Variants in ZC3H6 observed in about 807,000 individuals in gnomAD.
ZC3H6 encodes zinc finger CCCH-type containing 6.
ZC3H6 carries 40 observed loss-of-function variants against 107.7 expected under a neutral mutation model. The observed-to-expected ratio is 0.37, with a 90% confidence interval of 0.29 to 0.48. ZC3H6 has a LOEUF of 0.48. ZC3H6 is among the 20% of genes least tolerant of loss of function. ZC3H6 has a pLI of 0.98. For synonymous variants in ZC3H6, 493 were observed against 487.9 expected (o/e 1.01, Z -0.14); for missense variants, 1,267 against 1,410.4 (o/e 0.90, Z 1.63).
chr2:112,287,221 T>C (rs1411960961), intron 1 of ZC3H6, among the ~76,000 whole-genome samples: 1 of 152,144 alleles, frequency 6.6e-6, no homozygotes, highest in Admixed American at 6.5e-5. Context: ...GAATTTCTAG[T>C]TCCCCAGTCT....
chr2:112,303,972 A>G (rs1215097848), intron 3 of ZC3H6, among the ~76,000 whole-genome samples: 1 of 152,252 alleles, frequency 6.6e-6, no homozygotes, highest in Non-Finnish European at 1.5e-5. Flanking sequence ...CTGAGGAACC[A>G]TGAAACTTTT....
In ZC3H6 at chr2:112,310,053, A is replaced by C. The variant is rs1676565804; in HGVS notation, c.505A>C (p.Asn169His). The change falls in exon 4 of 12, where the codon AAT becomes CAT. Residue 169 changes from asparagine (N) to histidine (H), a missense_variant. Around this residue, in one of 3 missense-constraint regions of ZC3H6, gnomAD observed 337 missense variants for 361.2 expected, o/e 0.93. Coordinates refer to ENST00000409871, the MANE Select transcript of ZC3H6 (RefSeq NM_198581.3). ...TCAGGAAACAGAGGAAGATTTTGCC[A>C]ATCAGCTGAAACAATACAGGCAAGC... ...YGQETEEDFA[N>H]QLKQYRQAKE... The C allele has an allele frequency of 6.2e-7, 1 of 1,613,522 alleles. No individual in the cohort carries two copies. Among genetic ancestry groups the C allele is most frequent in the Admixed American group, 1.7e-5 (1 of 59,950 alleles).
Position 112,318,547 on chromosome 2 carries a change from A to G in ZC3H6, c.976+1215A>G, listed in dbSNP as rs1676742931. Among the ~76,000 whole-genome samples the G allele has an allele frequency of 1.3e-5, 2 of 152,180 alleles. 1 individual carries two copies. Among genetic ancestry groups the G allele is most frequent in the Middle Eastern group, 6.3e-3 (2 of 316 alleles). On this transcript the variant is annotated intron_variant, in intron 7 of 11. Transcript: ENST00000409871. ...AAGATGTTCAATCTTGTTCCTAATA[A>G]GGGGAATGTAATTTAAGCTACACTG...
intron 5 of ZC3H6, among the ~76,000 whole-genome samples, chr2:112,315,735 A>T (rs543343071): frequency 6.6e-6 from 1 of 152,198 alleles, no homozygotes; most frequent in African/African-American, 2.4e-5. Flanking sequence ...AGCTGAGATT[A>T]CAGAGGTGTG....
At chr2:112,279,124 C>G (rs950824758) in intron 1 of ZC3H6, among the ~76,000 whole-genome samples, 5 of 152,106 alleles carry the variant, frequency 3.3e-5, no homozygotes, top group African/African-American at 7.2e-5. Context: ...TTGCATAAGC[C>G]CAGAGCCTAG....
intron 6 of ZC3H6, 30 bp from the exon 7 acceptor site, chr2:112,317,191 C>G (rs770306333): frequency 8.9e-7 from 1 of 1,117,478 alleles, no homozygotes; most frequent in Non-Finnish European, 1.2e-6. Flanking sequence ...ACCTTTTTTT[C>G]TTTTTTCTTT....
chr2:112,276,162 CTT>C, intron 1 of ZC3H6, 136 bp downstream of exon 1: 1 of 631,696 alleles, frequency 1.6e-6, no homozygotes. Context: ...GACGCGCACT[CTT>C]ATGTAAACTG....
chr2:112,296,077 A>G (rs1366034197), intron 1 of ZC3H6, among the ~76,000 whole-genome samples: 2 of 152,182 alleles, frequency 1.3e-5, no homozygotes, highest in Non-Finnish European at 2.9e-5. Flanking sequence ...AGTACACAAT[A>G]CTTAAATGTA....
chr2:112,306,364 G>A lies in ZC3H6; in HGVS notation c.336+3013G>A, dbSNP rs942647879. On this transcript the variant is annotated intron_variant, in intron 3 of 11. Coordinates refer to ENST00000409871, the MANE Select transcript of ZC3H6 (RefSeq NM_198581.3). ...ATTTTTGTATTTTTAGTAGAGACAG[G>A]GTTTCACCATGTTGGCCAGGCTGGT... 2.0e-5 allele frequency among the ~76,000 whole-genome samples: 3 copies of A among 152,040 alleles called. No individual in the cohort carries two copies. The South Asian group carries it at 6.2e-4, about 32-fold the overall frequency.
intron 1 of ZC3H6, among the ~76,000 whole-genome samples, chr2:112,279,301 C>G (rs974790808): frequency 6.6e-6 from 1 of 152,130 alleles, no homozygotes; most frequent in Non-Finnish European, 1.5e-5. Context: ...CTCCTGAAGA[C>G]GAAATACTAT....
At chr2:112,316,673 C>A in intron 6 of ZC3H6, 87 bp downstream of exon 6, 1 of 780,060 alleles carries the variant, frequency 1.3e-6, no homozygotes, top group Non-Finnish European at 2.0e-6. Flanking sequence ...TAATTTTTTT[C>A]TCTTCTCATA....
chr2:112,297,620 AAGTC>A (rs1444967533), intron 1 of ZC3H6, among the ~76,000 whole-genome samples: 3 of 152,216 alleles, frequency 2.0e-5, no homozygotes, highest in African/African-American at 7.2e-5. Flanking sequence ...ATCAATATAA[AAGTC>A]AGTTTGTTTC....
chr2:112,284,300 T>G, intron 1 of ZC3H6, among the ~76,000 whole-genome samples: 1 of 152,190 alleles, frequency 6.6e-6, no homozygotes. Context: ...AAATAATGAG[T>G]TGACATAGGA....
rs927856412 is a variant in ZC3H6, at chr2:112,321,850, G to C, written c.1071G>C (p.Lys357Asn). The C allele has an allele frequency of 6.6e-7, 1 of 1,504,542 alleles. No homozygotes were observed. The highest frequency in any genetic ancestry group is 2.2e-5 in the Admixed American group (1 of 45,836). 93.2% of individuals were successfully genotyped at this position (1,504,542 alleles called of 1,614,324 possible). ...FSHDDLTKETKKLLDKVLNTD... is the reference protein window; with the variant it reads ...FSHDDLTKETNKLLDKVLNTD... ...ATGATGATCTAACTAAAGAAACAAA[G>C]AAACTTTTGGACAAAGTGAGTAATA... The change falls in exon 8 of 12, where the codon AAG becomes AAC. Residue 357 changes from lysine (K) to asparagine (N), a missense_variant. Around this residue, in one of 3 missense-constraint regions of ZC3H6, gnomAD observed 925 missense variants for 1,025.7 expected, o/e 0.90. Coordinates refer to ENST00000409871, the MANE Select transcript of ZC3H6 (RefSeq NM_198581.3).
intron 1 of ZC3H6, among the ~76,000 whole-genome samples, chr2:112,295,757 CTA>C (rs1676220061): frequency 6.6e-6 from 1 of 151,934 alleles, no homozygotes; most frequent in African/African-American, 2.4e-5. Context: ...CTAAGGGAAA[CTA>C]AAAAAAATTT....
At position 112,331,370 on chromosome 2, in the gene ZC3H6, C is replaced by T. The variant is rs372642037; in HGVS notation, c.2452C>T (p.His818Tyr). 66 of 1,613,590 alleles carry T rather than the reference C, an allele frequency of 4.1e-5. No individual in the cohort carries two copies. Among genetic ancestry groups the T allele is most frequent in the Non-Finnish European group, 5.5e-5 (65 of 1,179,878 alleles). Residue 818 changes from histidine (H) to tyrosine (Y), a missense_variant, in exon 12 of 12, where the codon CAC (histidine) becomes TAC (tyrosine). Around this residue, in one of 3 missense-constraint regions of ZC3H6, gnomAD observed 925 missense variants for 1,025.7 expected, o/e 0.90. Coordinates refer to ENST00000409871, the MANE Select transcript of ZC3H6 (RefSeq NM_198581.3). The part of the protein sequence containing the change: ...HHANAGTNVK[H>Y]KRGDDDDEDT... ...TGCAAATGCTGGCACTAATGTCAAA[C>T]ACAAAAGAGGCGATGATGATGATGA... is the stretch of plus-strand genomic sequence containing the variant.
At position 112,332,684 on chromosome 2, in the gene ZC3H6, TGTA is replaced by T; in HGVS notation, c.*200_*202del. The T allele has an allele frequency of 2.3e-6, 1 of 431,406 alleles. No homozygotes were observed. Among genetic ancestry groups the T allele is most frequent in the Middle Eastern group, 6.6e-4 (1 of 1,526 alleles). 26.7% of individuals were successfully genotyped at this position (431,406 alleles called of 1,614,324 possible). On this transcript the variant is annotated 3_prime_UTR_variant, in exon 12 of 12. Coordinates refer to ENST00000409871, the MANE Select transcript of ZC3H6 (RefSeq NM_198581.3). ...TAATATTTTTATAACTTTAAGAGACTGTAGTAATTGACCTAAAAACTTATGTTA... is the reference window on the plus strand; with the variant it reads ...TAATATTTTTATAACTTTAAGAGACTGTAATTGACCTAAAAACTTATGTTA...
chr2:112,295,098 C>T (rs1676207918), intron 1 of ZC3H6, among the ~76,000 whole-genome samples: 1 of 152,126 alleles, frequency 6.6e-6, no homozygotes, highest in African/African-American at 2.4e-5. Flanking sequence ...TCCCTCTAAT[C>T]TACCTGGCAA....
rs1023003582 is a variant in ZC3H6 at position 112,299,945 on chromosome 2, G to T, written c.129G>T (p.Glu43Asp). Residue 43 changes from glutamate to aspartate, a missense_variant, in exon 2 of 12, where the codon GAG (glutamate) becomes GAT (aspartate). By Grantham distance (45) the Glu-to-Asp change is conservative (BLOSUM62 2). This residue lies in a region of ZC3H6 where 337 missense variants were observed against 361.2 expected (regional missense o/e 0.93). Transcript: ENST00000409871. ...EAKENEKQKS[E>D]KAYRKSRKKH... ...AAGAGAATGAAAAGCAGAAAAGTGAGAAAGCCTACAGAAAATCAAGAAAAA... is the reference window on the plus strand; with the variant it reads ...AAGAGAATGAAAAGCAGAAAAGTGATAAAGCCTACAGAAAATCAAGAAAAA... The T allele has an allele frequency of 9.3e-6, 14 of 1,513,164 alleles. No individual in the cohort carries two copies. In the African/African-American group the frequency reaches 2.0e-4, roughly 21 times the overall value. The allele number at this position is 1,513,164 out of a possible 1,614,324, so 93.7% of individuals were successfully genotyped here. A position where few individuals can be genotyped will look rare whatever the true frequency, so the allele number is the denominator to read the frequency against.
Sources: allele counts gnomAD v4.1 joint callset (sites outside exome capture counted in the v4.1 genomes callset), GRCh38; gene constraint gnomAD v4.1.1; regional missense constraint gnomAD v4.1.1; transcripts MANE v1.5; gene names NCBI Gene and HGNC (gene_info 2026-07-23, HGNC 2026-07-21).